Variants in SMYD3 observed in about 807,000 individuals in gnomAD.
The protein encoded by SMYD3 is histone-lysine N-methyltransferase SMYD3.
SMYD3 carries 36 observed loss-of-function variants against 57.7 expected under a neutral mutation model. The observed-to-expected ratio is 0.62, with a 90% CI of 0.48 to 0.82. SMYD3 has a LOEUF of 0.82. Among genes scored for constraint, SMYD3 ranks in the 40% least tolerant of loss-of-function variants. SMYD3 has a pLI of 0.00. For synonymous variants in SMYD3, 211 were observed against 195.0 expected (o/e 1.08, Z -0.68); for missense variants, 515 against 538.8 (o/e 0.96, Z 0.44).
intron 10 of SMYD3, among the ~76,000 whole-genome samples, chr1:245,852,249 C>T (rs986016877): frequency 6.6e-6 from 1 of 152,230 alleles, no homozygotes; most frequent in South Asian, 2.1e-4. Flanking sequence ...GAGCTTATGC[C>T]AGTTCCATGC....
Position 245,976,947 on chromosome 1 carries a change from GTCTCTA to G in SMYD3, c.532-47016_532-47011del, listed in dbSNP as rs1558550993. ...CGTCTCTAGCCTAGGGAAAGCCATC[GTCTCTA>G]GCCTAGGGAAAGCCATCGTCTCCGG... On this transcript the variant is annotated intron_variant, in intron 5 of 11. Coordinates refer to ENST00000490107, the MANE Select transcript of SMYD3 (RefSeq NM_001167740.2). 4.9e-4 allele frequency among the ~76,000 whole-genome samples: 20 copies of G among 40,606 alleles called. 1 individual carries two copies. Among genetic ancestry groups the G allele is most frequent in the East Asian group, 1.2e-3 (2 of 1,632 alleles). The allele number at this position is 40,606 out of a possible 152,430, so 26.6% of individuals were successfully genotyped here. A position where few individuals can be genotyped will look rare whatever the true frequency, so the allele number is the denominator to read the frequency against.
chr1:245,913,950 A>G (rs189499705), intron 8 of SMYD3, among the ~76,000 whole-genome samples: 1 of 152,344 alleles, frequency 6.6e-6, no homozygotes, highest in East Asian at 1.9e-4. Context: ...ATTATCAAAA[A>G]GACCAAAAAA....
chr1:245,796,233 A>C (rs1197665235), intron 10 of SMYD3, among the ~76,000 whole-genome samples: 3 of 152,232 alleles, frequency 2.0e-5, no homozygotes, highest in African/African-American at 7.2e-5. Context: ...TATGTCCAAT[A>C]ATCAAATAGT....
At chr1:246,219,719 C>T (rs1246780029) in intron 5 of SMYD3, among the ~76,000 whole-genome samples, 3 of 152,288 alleles carry the variant, frequency 2.0e-5, no homozygotes, top group Middle Eastern at 6.8e-3. Flanking sequence ...CTGGGGCTTT[C>T]GTGGTCACAG....
intron 1 of SMYD3, among the ~76,000 whole-genome samples, chr1:246,498,831 C>A (rs545461571): frequency 8.5e-5 from 13 of 152,152 alleles, no homozygotes; most frequent in Non-Finnish European, 1.8e-4. Flanking sequence ...TTATACCCCC[C>A]AGGCTGGAGT....
intron 10 of SMYD3, among the ~76,000 whole-genome samples, chr1:245,770,741 AAT>A (rs1220925690): frequency 1.3e-5 from 2 of 152,244 alleles, no homozygotes; most frequent in Non-Finnish European, 2.9e-5. Flanking sequence ...ATAGCTCATA[AAT>A]ATGTTTGAGA....
At chr1:245,858,449 C>T (rs752095915) in intron 10 of SMYD3, 47 bp downstream of exon 10, 18 of 1,545,994 alleles carry the variant, frequency 1.2e-5, no homozygotes, top group Middle Eastern at 2.0e-4. Context: ...CTTTGCCCAA[C>T]GTGAAGACGT....
intron 5 of SMYD3, among the ~76,000 whole-genome samples, chr1:246,173,294 C>T (rs2062375193): frequency 6.6e-6 from 1 of 152,118 alleles, no homozygotes; most frequent in African/African-American, 2.4e-5. Context: ...ACTTTATCAA[C>T]ACTACACACT....
At chr1:246,236,343 G>A (rs145480750) in intron 5 of SMYD3, among the ~76,000 whole-genome samples, 4,613 of 152,140 alleles carry the variant, frequency 0.03, 91 homozygotes, top group African/African-American at 0.038. Context: ...CAATCCTCCC[G>A]CCTCAGCCTC....
rs1370589372 is a variant in SMYD3, at chr1:245,936,170, A to G, written c.532-6233T>C. Among the ~76,000 whole-genome samples, 3 of 152,208 alleles carry G rather than the reference A, an allele frequency of 2.0e-5. No homozygotes were observed. In the South Asian group the frequency reaches 6.2e-4, roughly 31 times the overall value. ...ATTGTTATTCGTTAATTAAAATTTT[A>G]AATAATTTAATAAGACAGAAAGCAA... On this transcript the variant is annotated intron_variant, in intron 5 of 11. Transcript: ENST00000490107.
chr1:246,269,869 A>G (rs12083434), intron 5 of SMYD3, among the ~76,000 whole-genome samples: 50,641 of 151,968 alleles, frequency 0.33, 9,296 homozygotes, highest in East Asian at 0.72. Flanking sequence ...CACCACACCC[A>G]GCGGTCAAGT....
At chr1:245,835,122 C>CGT (rs1491565221) in intron 10 of SMYD3, among the ~76,000 whole-genome samples, 7 of 134,062 alleles carry the variant, frequency 5.2e-5, no homozygotes, top group Admixed American at 7.6e-5. Flanking sequence ...GGCAGGTTTC[C>CGT]TTTTTTTTTT....
chr1:246,292,284 A>G (rs961641115), intron 5 of SMYD3, among the ~76,000 whole-genome samples: 2 of 151,952 alleles, frequency 1.3e-5, no homozygotes, highest in East Asian at 1.9e-4. Context: ...ACACACCAGT[A>G]CCTTAGACTT....
At chr1:246,472,082 C>CA (rs35584130) in intron 1 of SMYD3, among the ~76,000 whole-genome samples, 1 of 151,698 alleles carries the variant, frequency 6.6e-6, no homozygotes, top group East Asian at 1.9e-4. Context: ...TGAAAAAAAA[C>CA]AAAAAAAAGG....
chr1:246,495,078 G>A (rs748207743), intron 1 of SMYD3, among the ~76,000 whole-genome samples: 13 of 152,116 alleles, frequency 8.5e-5, no homozygotes, highest in South Asian at 4.1e-4. Context: ...TGCCGGGCGC[G>A]GTGGCTCACG....
At chr1:246,300,270 T>G (rs1432618494) in intron 5 of SMYD3, among the ~76,000 whole-genome samples, 1 of 152,176 alleles carries the variant, frequency 6.6e-6, no homozygotes, top group Non-Finnish European at 1.5e-5. Flanking sequence ...CAATAAACAT[T>G]TCAAATGAGT....
intron 4 of SMYD3, 54 bp downstream of exon 4, chr1:246,330,426 C>A: frequency 7.1e-7 from 1 of 1,407,142 alleles, no homozygotes. Context: ...CATTCACCAA[C>A]TCAGCAAACA....
At chr1:246,362,744 G>A (rs980145270) in intron 1 of SMYD3, among the ~76,000 whole-genome samples, 7 of 152,280 alleles carry the variant, frequency 4.6e-5, no homozygotes, top group East Asian at 1.9e-4. Flanking sequence ...GATTGCAGAC[G>A]GAGTCTCGTT....
chr1:246,133,790 CA>C (rs1325727295), intron 5 of SMYD3, among the ~76,000 whole-genome samples: 1 of 151,552 alleles, frequency 6.6e-6, no homozygotes, highest in Non-Finnish European at 1.5e-5. Flanking sequence ...CAACTACTGT[CA>C]AAAAAAAGCT....
Sources: gnomAD v4.1 joint callset for allele counts (sites outside exome capture counted in the v4.1 genomes callset) on GRCh38, gnomAD v4.1.1 for gene constraint, MANE v1.5 for transcripts, NCBI Gene and HGNC (gene_info 2026-07-23, HGNC 2026-07-21) for gene names.